CADM2: variants seen among roughly 807,000 people sequenced by gnomAD.
CADM2 encodes immunoglobulin superfamily member 4D.
In CADM2, 12 loss-of-function variants were observed where a neutral mutation model predicts 49.8. The observed-to-expected ratio is 0.24, with a 90% CI of 0.15 to 0.39. The LOEUF is 0.39. Ranked by LOEUF, CADM2 falls within the 10% of genes least tolerant of loss-of-function variation. The pLI, the probability that CADM2 is intolerant of heterozygous loss-of-function variation, is 1.00. For synonymous variants in CADM2, 214 were observed against 175.4 expected, an observed-to-expected ratio of 1.22 and a Z score of -1.74; for missense variants, 378 against 492.3, an observed-to-expected ratio of 0.77 and a Z score of 2.20.
At chr3:86,050,480 C>T (rs1378249897) in intron 8 of CADM2, among the ~76,000 whole-genome samples, 1 of 152,164 alleles carries the variant, frequency 6.6e-6, no homozygotes, top group African/African-American at 2.4e-5. Context: ...CTCCACTAGG[C>T]AGTGCCCCAG....
chr3:86,059,660 G>C (rs1044935583), intron 8 of CADM2, among the ~76,000 whole-genome samples: 2 of 152,130 alleles, frequency 1.3e-5, no homozygotes, highest in African/African-American at 4.8e-5. Context: ...ACAGCTCTCT[G>C]TTAAGAAATT....
chr3:85,995,352 A>T (rs1443344434), intron 8 of CADM2, among the ~76,000 whole-genome samples: 1 of 152,194 alleles, frequency 6.6e-6, no homozygotes, highest in African/African-American at 2.4e-5. Flanking sequence ...TTATGGTGGA[A>T]AAATAGTATA....
At chr3:85,726,611 T>A in intron 2 of CADM2, 63 bp downstream of exon 2, 1 of 1,329,890 alleles carries the variant, frequency 7.5e-7, no homozygotes, top group Non-Finnish European at 1.1e-6. Flanking sequence ...TCTTCTAAGT[T>A]CTCTTAAATG....
At chr3:85,173,037 C>T (rs2040673514) in intron 1 of CADM2, among the ~76,000 whole-genome samples, 2 of 148,592 alleles carry the variant, frequency 1.3e-5, no homozygotes. Context: ...CTCTGTCGCC[C>T]AGGCTGGGTT....
intron 1 of CADM2, among the ~76,000 whole-genome samples, chr3:85,296,562 T>C (rs2043969717): frequency 6.6e-6 from 1 of 152,194 alleles, no homozygotes; most frequent in Non-Finnish European, 1.5e-5. Flanking sequence ...CAAATTCTGC[T>C]ACATACAGAA....
At chr3:86,038,516 T>A (rs1209874860) in intron 8 of CADM2, among the ~76,000 whole-genome samples, 1 of 152,184 alleles carries the variant, frequency 6.6e-6, no homozygotes, top group African/African-American at 2.4e-5. Context: ...AAACATGTCC[T>A]ACTTTACTAT....
chr3:85,928,649 A>G (rs187583861), intron 6 of CADM2, among the ~76,000 whole-genome samples: 7 of 152,290 alleles, frequency 4.6e-5, no homozygotes, highest in Admixed American at 4.6e-4. Context: ...AAAGTCTTAG[A>G]GCATTTTGCT....
intron 1 of CADM2, among the ~76,000 whole-genome samples, chr3:85,562,108 G>A (rs188297890): frequency 6.6e-6 from 1 of 152,164 alleles, no homozygotes; most frequent in East Asian, 1.9e-4. Context: ...CACAGGATGG[G>A]TTTTTGGTTT....
At chr3:85,308,310 TACACACACAC>T (rs10662960) in intron 1 of CADM2, among the ~76,000 whole-genome samples, 36 of 143,508 alleles carry the variant, frequency 2.5e-4, no homozygotes, top group African/African-American at 7.1e-4. Context: ...TCTACCTCTC[TACACACACAC>T]ACACACACAC....
chr3:85,574,221 T>C (rs974340430), intron 1 of CADM2, among the ~76,000 whole-genome samples: 1 of 152,230 alleles, frequency 6.6e-6, no homozygotes. Context: ...ATTTGGATCT[T>C]GAAGCTCACT....
intron 1 of CADM2, among the ~76,000 whole-genome samples, chr3:85,613,349 T>TA (rs1020728541): frequency 6.6e-6 from 1 of 151,722 alleles, no homozygotes; most frequent in Non-Finnish European, 1.5e-5. Flanking sequence ...TGTTATTGAG[T>TA]AAAAAATTGG....
Position 85,718,009 on chromosome 3 carries a change from A to G in CADM2, c.62-8513A>G, listed in dbSNP as rs560343035. Among the ~76,000 whole-genome samples the G allele has an allele frequency of 3.9e-5, 6 of 152,268 alleles. No individual in the cohort carries two copies. In the South Asian group the frequency reaches 1.2e-3, roughly 32 times the overall value. On this transcript the variant is annotated intron_variant, in intron 1 of 9. Transcript: ENST00000383699. The stretch of plus-strand genomic sequence containing the variant: ...GGTCTTGAACTCCTCACTTCAGGTG[A>G]TCTGCCCACCTTGGCCTCCCAAAAT...
intron 1 of CADM2, among the ~76,000 whole-genome samples, chr3:85,056,536 C>T (rs1040517589): frequency 6.6e-6 from 1 of 151,946 alleles, no homozygotes; most frequent in Non-Finnish European, 1.5e-5. Context: ...AGATAGGGGC[C>T]TTAAAGATAA....
At chr3:86,039,658 G>T (rs561453336) in intron 8 of CADM2, among the ~76,000 whole-genome samples, 7 of 152,298 alleles carry the variant, frequency 4.6e-5, no homozygotes, top group Middle Eastern at 3.4e-3. Context: ...CCTCTGGGGG[G>T]AGGGCATAGC....
chr3:85,805,112 T>G (rs1053981247), intron 3 of CADM2, among the ~76,000 whole-genome samples: 1 of 152,182 alleles, frequency 6.6e-6, no homozygotes, highest in South Asian at 2.1e-4. Context: ...AGCTAATTTT[T>G]TTTGTATTTT....
intron 1 of CADM2, among the ~76,000 whole-genome samples, chr3:85,394,742 C>T (rs2034687957): frequency 6.6e-6 from 1 of 152,042 alleles, no homozygotes; most frequent in African/African-American, 2.4e-5. Flanking sequence ...ATAAGCTATT[C>T]ATTGTGTCAA....
chr3:85,139,705 G>A (rs901815496), intron 1 of CADM2, among the ~76,000 whole-genome samples: 7 of 152,100 alleles, frequency 4.6e-5, no homozygotes, highest in African/African-American at 1.7e-4. Context: ...AAAAATGTAA[G>A]TTGGGCTATG....
intron 1 of CADM2, among the ~76,000 whole-genome samples, chr3:85,439,232 C>T (rs192176937): frequency 1.1e-3 from 161 of 151,136 alleles, no homozygotes; most frequent in African/African-American, 3.8e-3. Context: ...GAACTCACCG[C>T]AACCTCCACC....
intron 5 of CADM2, among the ~76,000 whole-genome samples, chr3:85,900,370 A>G (rs1030419099): frequency 6.6e-6 from 1 of 152,162 alleles, no homozygotes; most frequent in African/African-American, 2.4e-5. Context: ...AAACACATCC[A>G]TACCTATTTT....
Sources: gnomAD v4.1 joint callset for allele counts (sites outside exome capture counted in the v4.1 genomes callset) on GRCh38, gnomAD v4.1.1 for gene constraint, MANE v1.5 for transcripts, NCBI Gene and HGNC (gene_info 2026-07-23, HGNC 2026-07-21) for gene names.